Variants in WWC2 observed in about 807,000 individuals in gnomAD.
WWC2 encodes the protein protein WWC2.
A neutral mutation model predicts 138.5 loss-of-function variants in WWC2; 101 were observed. That is an observed-to-expected ratio of 0.73 (90% CI 0.62 to 0.86). The LOEUF is 0.86. WWC2 is among the 40% of genes least tolerant of loss of function. The pLI, the probability that WWC2 is intolerant of heterozygous loss-of-function variation, is 0.00. For missense variants in WWC2, 1,420 were observed against 1,419.4 expected (o/e 1.00, Z -0.01); for synonymous variants, 558 against 538.4 (o/e 1.04, Z -0.50).
intron 1 of WWC2, among the ~76,000 whole-genome samples, chr4:183,114,037 C>T (rs912779675): frequency 4.6e-5 from 7 of 151,978 alleles, no homozygotes; most frequent in Non-Finnish European, 8.8e-5. Flanking sequence ...GTTCTGTTTC[C>T]GATGTATAGG....
chr4:183,244,217 C>T (rs1736704317), intron 5 of WWC2, among the ~76,000 whole-genome samples: 1 of 152,058 alleles, frequency 6.6e-6, no homozygotes, highest in Non-Finnish European at 1.5e-5. Flanking sequence ...AGAACTCGTG[C>T]AGTATTCATA....
intron 17 of WWC2, among the ~76,000 whole-genome samples, chr4:183,282,000 T>G (rs763867163): frequency 6.6e-6 from 1 of 152,222 alleles, no homozygotes; most frequent in Admixed American, 6.5e-5. Flanking sequence ...TGTGCCAGTT[T>G]GTCATTATGT....
In WWC2 at chr4:183,239,924, T is replaced by C. The variant is rs76527903; in HGVS notation, c.523-259T>C. Among the ~76,000 whole-genome samples the C allele has an allele frequency of 5.6e-3, 848 of 152,296 alleles. 15 individuals carry two copies. The highest frequency in any genetic ancestry group is 0.019 in the African/African-American group (795 of 41,550). ...TGCCCATTTTGGTTGGAGACAATGA[T>C]GATGTCCAGCTCATAAGAATGTTGC... On this transcript the variant is annotated intron_variant, in intron 4 of 22. Transcript: ENST00000403733.
chr4:183,190,638 G>A (rs1234093492), intron 1 of WWC2, among the ~76,000 whole-genome samples: 2 of 151,744 alleles, frequency 1.3e-5, no homozygotes, highest in African/African-American at 2.4e-5. Flanking sequence ...ATATTTGAAG[G>A]AACTCTGCAA....
At chr4:183,137,647 C>T (rs1035053360) in intron 1 of WWC2, among the ~76,000 whole-genome samples, 3 of 152,114 alleles carry the variant, frequency 2.0e-5, no homozygotes, top group South Asian at 2.1e-4. Context: ...TGTAGATGCG[C>T]ACCACCATAC....
chr4:183,299,327 C>T (rs1327730072), intron 21 of WWC2, among the ~76,000 whole-genome samples: 1 of 152,116 alleles, frequency 6.6e-6, no homozygotes, highest in East Asian at 1.9e-4. Flanking sequence ...AACATTCAAC[C>T]CGTAGCAGAT....
At position 183,318,497 on chromosome 4, in the gene WWC2, A is replaced by ATTT. The variant is rs1739517967; in HGVS notation, c.*2768_*2769insTTT. 4 of 149,396 alleles carry ATTT rather than the reference A, an allele frequency of 2.7e-5. No individual in the cohort carries two copies. The highest frequency in any genetic ancestry group is 6.7e-5 in the Admixed American group (1 of 14,834). The allele number at this position is 149,396 out of a possible 1,614,324, so 9.3% of individuals were successfully genotyped here. On this transcript the variant is annotated 3_prime_UTR_variant, in exon 23 of 23. Coordinates refer to ENST00000403733, the MANE Select transcript of WWC2 (RefSeq NM_024949.6). ...GAAAAAAATTCAGTGGTTTTTTTTA[A>ATTT]AAAAAAAAGCAAAAACAAAGCTACA...
intron 4 of WWC2, among the ~76,000 whole-genome samples, chr4:183,213,247 G>T (rs2111249784): frequency 6.6e-6 from 1 of 152,216 alleles, no homozygotes; most frequent in East Asian, 1.9e-4. Flanking sequence ...AGCACTTTAG[G>T]AATGGCCCAG....
chr4:183,275,918 G>A (rs1737840042), intron 16 of WWC2, among the ~76,000 whole-genome samples: 2 of 152,160 alleles, frequency 1.3e-5, no homozygotes, highest in East Asian at 3.9e-4. Flanking sequence ...GGAATTTTTT[G>A]TTTACAGATT....
At chr4:183,195,663 C>T (rs188170893) in intron 2 of WWC2, among the ~76,000 whole-genome samples, 74 of 152,272 alleles carry the variant, frequency 4.9e-4, no homozygotes, top group African/African-American at 1.7e-3. Flanking sequence ...AAAAGAAATA[C>T]AAACAGATGG....
At chr4:183,296,004 T>C (rs1419334600) in intron 21 of WWC2, among the ~76,000 whole-genome samples, 1 of 152,240 alleles carries the variant, frequency 6.6e-6, no homozygotes, top group Non-Finnish European at 1.5e-5. Context: ...TTTTTCACTT[T>C]CATCTCCTAA....
intron 2 of WWC2, among the ~76,000 whole-genome samples, chr4:183,194,632 T>C (rs993523372): frequency 2.0e-5 from 3 of 152,200 alleles, no homozygotes; most frequent in African/African-American, 7.2e-5. Context: ...TACTCACTCA[T>C]TAGTGATGGC....
At chr4:183,283,308 G>GC (rs1044132671) in intron 18 of WWC2, among the ~76,000 whole-genome samples, 8 of 152,222 alleles carry the variant, frequency 5.3e-5, no homozygotes, top group Admixed American at 2.6e-4. Flanking sequence ...GTTAGGCGAT[G>GC]CCCTGATTAG....
intron 4 of WWC2, 22 bp downstream of exon 4, chr4:183,209,047 T>C: frequency 6.6e-7 from 1 of 1,515,476 alleles, no homozygotes; most frequent in Non-Finnish European, 9.0e-7. Flanking sequence ...TAAATTGTGG[T>C]TCTATGTTGA....
chr4:183,102,920 G>C (rs1388474292), intron 1 of WWC2, among the ~76,000 whole-genome samples: 1 of 150,994 alleles, frequency 6.6e-6, no homozygotes, highest in African/African-American at 2.4e-5. Flanking sequence ...AAGGTGGGAT[G>C]GATTGGCTTC....
chr4:183,189,787 TG>T (rs947085696), intron 1 of WWC2, among the ~76,000 whole-genome samples: 12 of 152,322 alleles, frequency 7.9e-5, no homozygotes, highest in African/African-American at 2.4e-4. Flanking sequence ...TAACCTGAAA[TG>T]TTTTTTTTAA....
rs551039774 is a variant in WWC2, at chr4:183,142,113, A to T, written c.131+42491A>T. On this transcript the variant is annotated intron_variant, in intron 1 of 22. Coordinates refer to ENST00000403733, the MANE Select transcript of WWC2 (RefSeq NM_024949.6). The stretch of plus-strand genomic sequence containing the variant: ...GGAGAGCATGGGCATTCGTCAGGGA[A>T]ATATTTGAGAAAAGAACATTTTCTG... Among the ~76,000 whole-genome samples the T allele has an allele frequency of 4.6e-5, 7 of 152,326 alleles. No individual in the cohort carries two copies. The South Asian group carries it at 1.2e-3, about 27-fold the overall frequency.
chr4:183,228,127 T>C (rs1358282112), intron 4 of WWC2, among the ~76,000 whole-genome samples: 3 of 151,994 alleles, frequency 2.0e-5, no homozygotes, highest in Non-Finnish European at 4.4e-5. Context: ...GAAAAAGATA[T>C]ACCAATCAAA....
intron 1 of WWC2, among the ~76,000 whole-genome samples, chr4:183,130,712 C>T (rs1171528066): frequency 2.6e-5 from 4 of 152,202 alleles, no homozygotes; most frequent in Non-Finnish European, 5.9e-5. Flanking sequence ...TTTATTCATT[C>T]AGCCACTGTC....
Sources: allele counts gnomAD v4.1 joint callset (sites outside exome capture counted in the v4.1 genomes callset), GRCh38; gene constraint gnomAD v4.1.1; transcripts MANE v1.5; gene names NCBI Gene and HGNC (gene_info 2026-07-23, HGNC 2026-07-21).